Variants in FBXL17 observed in about 807,000 individuals in gnomAD.
FBXL17 encodes F-box and leucine rich repeat protein 17.
FBXL17 carries 22 observed loss-of-function variants against 66.2 expected under a neutral mutation model. That is an observed-to-expected ratio of 0.33 (90% CI 0.24 to 0.47). The LOEUF is 0.47. Among genes scored for constraint, FBXL17 ranks in the 20% least tolerant of loss-of-function variants. The pLI, the probability that FBXL17 is intolerant of heterozygous loss-of-function variation, is 1.00. For synonymous variants in FBXL17, 474 were observed against 400.5 expected (o/e 1.18, Z -2.19); for missense variants, 878 against 948.2 (o/e 0.93, Z 0.97).
chr5:108,273,821 T>A (rs889300976), intron 4 of FBXL17, among the ~76,000 whole-genome samples: 10 of 152,038 alleles, frequency 6.6e-5, no homozygotes, highest in African/African-American at 2.4e-4. Flanking sequence ...CATAGCTTGC[T>A]GTTTTCATTA....
chr5:107,903,428 G>A (rs983480676), intron 7 of FBXL17, among the ~76,000 whole-genome samples: 14 of 152,094 alleles, frequency 9.2e-5, no homozygotes, highest in Admixed American at 4.6e-4. Context: ...TAAGCCACAC[G>A]GAAATGCTGT....
intron 6 of FBXL17, among the ~76,000 whole-genome samples, chr5:108,143,726 GAAAAAAA>G (rs67537467): frequency 0.29 from 31,529 of 107,754 alleles, 4,451 homozygotes; most frequent in East Asian, 0.43. Context: ...GTTTTCATGG[GAAAAAAA>G]AAAAAAAAAA....
At chr5:108,011,382 T>C (rs1391620308) in intron 7 of FBXL17, among the ~76,000 whole-genome samples, 1 of 152,194 alleles carries the variant, frequency 6.6e-6, no homozygotes, top group Non-Finnish European at 1.5e-5. Flanking sequence ...TACTTTTCAT[T>C]GTATCTCGGA....
chr5:108,315,044 T>C (rs1759297341), intron 4 of FBXL17, among the ~76,000 whole-genome samples: 1 of 150,660 alleles, frequency 6.6e-6, no homozygotes, highest in East Asian at 1.9e-4. Context: ...TAAAAATCAA[T>C]CAAGAATGAT....
chr5:108,336,269 T>A (rs1022910575), intron 4 of FBXL17, among the ~76,000 whole-genome samples: 6 of 152,216 alleles, frequency 3.9e-5, no homozygotes, highest in African/African-American at 1.4e-4. Flanking sequence ...TGTTCTGAAC[T>A]AAATTTAATG....
At chr5:108,024,805 T>C (rs1305143508) in intron 6 of FBXL17, among the ~76,000 whole-genome samples, 2 of 152,192 alleles carry the variant, frequency 1.3e-5, no homozygotes, top group African/African-American at 2.4e-5. Context: ...TGATGAAATA[T>C]GAAAAGCAAC....
chr5:108,381,467 G>A lies in FBXL17; in HGVS notation c.225C>T (p.Gly75=). ...VHSPGAPAPA[G]PEEEPPLSPP... Reference sequence around the variant, plus strand: ...GCGAGAGCGGCGGCTCCTCCTCTGGGCCGGCGGGGGCGGGCGCGCCGGGAC... The same window carrying A: ...GCGAGAGCGGCGGCTCCTCCTCTGGACCGGCGGGGGCGGGCGCGCCGGGAC... Residue 75 remains glycine (G), a synonymous_variant, in exon 1 of 9, where the codon GGC becomes GGT. Coordinates refer to ENST00000542267, the MANE Select transcript of FBXL17 (RefSeq NM_001163315.3). 7.6e-7 allele frequency: 1 copy of A among 1,322,970 alleles called. No individual in the cohort carries two copies. The highest frequency in any genetic ancestry group is 9.6e-7 in the Non-Finnish European group (1 of 1,043,216). 82.0% of individuals were successfully genotyped at this position (1,322,970 alleles called of 1,614,324 possible).
chr5:108,039,722 A>G (rs288153), intron 6 of FBXL17, among the ~76,000 whole-genome samples: 117,466 of 151,932 alleles, frequency 0.77, 45,758 homozygotes, highest in East Asian at 0.93. Flanking sequence ...GGACAACAGC[A>G]AATTCACAGA....
intron 3 of FBXL17, among the ~76,000 whole-genome samples, chr5:108,358,547 G>A (rs148563813): frequency 3.0e-3 from 450 of 152,114 alleles, no homozygotes; most frequent in Non-Finnish European, 3.4e-3. Flanking sequence ...AGTAGGTTAC[G>A]GTGTAGAATC....
chr5:108,369,918 G>C (rs1201475158), intron 1 of FBXL17, among the ~76,000 whole-genome samples: 1 of 152,132 alleles, frequency 6.6e-6, no homozygotes, highest in Non-Finnish European at 1.5e-5. Flanking sequence ...ATAAAAACAA[G>C]TAAGATAATT....
At chr5:108,016,885 T>G (rs993068857) in intron 7 of FBXL17, among the ~76,000 whole-genome samples, 13 of 151,756 alleles carry the variant, frequency 8.6e-5, no homozygotes, top group Non-Finnish European at 1.3e-4. Flanking sequence ...GTTCAAGCAA[T>G]TTTCCTGCCT....
intron 6 of FBXL17, among the ~76,000 whole-genome samples, chr5:108,073,744 T>G (rs1366264341): frequency 6.6e-6 from 1 of 152,002 alleles, no homozygotes; most frequent in East Asian, 1.9e-4. Context: ...TCACACAAGA[T>G]CTATTGTTTA....
chr5:108,094,196 T>C (rs1483514603), intron 6 of FBXL17, among the ~76,000 whole-genome samples: 3 of 152,164 alleles, frequency 2.0e-5, no homozygotes, highest in Non-Finnish European at 4.4e-5. Context: ...GTCATTGTTT[T>C]GTACAAATTA....
intron 7 of FBXL17, among the ~76,000 whole-genome samples, chr5:108,014,152 C>T (rs1340960395): frequency 2.0e-5 from 3 of 151,880 alleles, no homozygotes; most frequent in African/African-American, 7.3e-5. Flanking sequence ...GGACTAATTT[C>T]CTATACCTAT....
At chr5:108,232,993 A>G (rs545355963) in intron 4 of FBXL17, among the ~76,000 whole-genome samples, 2 of 151,660 alleles carry the variant, frequency 1.3e-5, no homozygotes, top group Non-Finnish European at 2.9e-5. Flanking sequence ...TCATTCAAAC[A>G]TAAGTATTGT....
chr5:108,111,409 T>C (rs1051833445), intron 6 of FBXL17, among the ~76,000 whole-genome samples: 1 of 148,136 alleles, frequency 6.8e-6, no homozygotes, highest in African/African-American at 2.5e-5. Context: ...ATATTCATGA[T>C]AGTTCAAACT....
intron 8 of FBXL17, chr5:107,880,450 T>C (rs919063529): frequency 1.2e-4 from 119 of 991,784 alleles, no homozygotes; most frequent in Non-Finnish European, 1.4e-4. Flanking sequence ...CTCACATCCC[T>C]GGCTGGTTCT....
At chr5:108,208,088 A>G (rs1238960615) in intron 5 of FBXL17, among the ~76,000 whole-genome samples, 3 of 152,052 alleles carry the variant, frequency 2.0e-5, no homozygotes, top group African/African-American at 2.4e-5. Flanking sequence ...CATTTTTTTC[A>G]TATGTCTGTT....
intron 4 of FBXL17, among the ~76,000 whole-genome samples, chr5:108,225,291 C>T (rs975203272): frequency 1.3e-5 from 2 of 152,114 alleles, no homozygotes; most frequent in Non-Finnish European, 2.9e-5. Flanking sequence ...TATGGATATA[C>T]TACATTTTTA....
Sources: gnomAD v4.1 joint callset for allele counts (sites outside exome capture counted in the v4.1 genomes callset) on GRCh38, gnomAD v4.1.1 for gene constraint, MANE v1.5 for transcripts, NCBI Gene and HGNC (gene_info 2026-07-23, HGNC 2026-07-21) for gene names.